The following DPY19L2 variants were observed in gnomAD, a reference collection of about 807,000 sequenced individuals.
The protein encoded by DPY19L2 is probable C-mannosyltransferase DPY19L2.
DPY19L2 carries 34 observed loss-of-function variants against 97.9 expected under a neutral mutation model. That is an observed-to-expected ratio of 0.35 (90% confidence interval 0.26 to 0.46). The LOEUF is 0.46. Among genes scored for constraint, DPY19L2 ranks in the 20% least tolerant of loss-of-function variants. The pLI is 1.00. For missense variants in DPY19L2, 623 were observed against 911.4 expected (o/e 0.68, Z 4.07); for synonymous variants, 230 against 307.9 (o/e 0.75, Z 2.65).
chr12:63,583,875 C>A (rs775637382), intron 16 of DPY19L2, 39 bp from the exon 17 acceptor site: 7 of 1,555,338 alleles, frequency 4.5e-6, no homozygotes, highest in Non-Finnish European at 6.2e-6. Context: ...TACTGAAGGT[C>A]TTTTATACTA....
chr12:63,564,703 T>G (rs893646632), intron 21 of DPY19L2, among the ~76,000 whole-genome samples: 41 of 152,150 alleles, frequency 2.7e-4, no homozygotes, highest in African/African-American at 9.6e-4. Flanking sequence ...ATTTTGCTGT[T>G]CTAGGGTGGT....
intron 9 of DPY19L2, among the ~76,000 whole-genome samples, chr12:63,619,447 A>G (rs148982971): frequency 5.6e-4 from 86 of 152,284 alleles, no homozygotes; most frequent in African/African-American, 2.0e-3. Context: ...ATACATTAGT[A>G]AAGAAAAATG....
intron 6 of DPY19L2, among the ~76,000 whole-genome samples, chr12:63,629,606 T>G (rs1890216470): frequency 6.6e-6 from 1 of 152,140 alleles, no homozygotes; most frequent in South Asian, 2.1e-4. Context: ...TACCTGAAAG[T>G]GATGGGGAGA....
chr12:63,627,359 T>C (rs1201852034), intron 6 of DPY19L2, among the ~76,000 whole-genome samples: 1 of 152,074 alleles, frequency 6.6e-6, no homozygotes, highest in Non-Finnish European at 1.5e-5. Context: ...TGTTGTTTTG[T>C]TTTGTTTTGA....
At chr12:63,598,291 G>A (rs1204491116) in intron 13 of DPY19L2, among the ~76,000 whole-genome samples, 1 of 152,086 alleles carries the variant, frequency 6.6e-6, no homozygotes, top group Admixed American at 6.6e-5. Flanking sequence ...ATACATTGTA[G>A]GTCATAAGCT....
chr12:63,650,786 A>G (rs1894099914), intron 4 of DPY19L2, among the ~76,000 whole-genome samples: 2 of 152,186 alleles, frequency 1.3e-5, no homozygotes, highest in African/African-American at 4.8e-5. Flanking sequence ...TACAGATTCA[A>G]TGCTATTCCT....
chr12:63,561,595 G>A (rs528594695), intron 21 of DPY19L2, among the ~76,000 whole-genome samples: 3 of 151,624 alleles, frequency 2.0e-5, no homozygotes, highest in Non-Finnish European at 2.9e-5. Context: ...TACAACTTCT[G>A]TTGTGGTTCA....
chr12:63,560,934 C>A (rs1471531190), intron 21 of DPY19L2, among the ~76,000 whole-genome samples: 1 of 152,166 alleles, frequency 6.6e-6, no homozygotes, highest in African/African-American at 2.4e-5. Context: ...TAAAAGCACA[C>A]TTTCAAGATG....
At position 63,560,478 on chromosome 12, in the gene DPY19L2, G is replaced by A. The variant is rs776077903; in HGVS notation, c.*34C>T. The A allele has an allele frequency of 3.1e-6, 5 of 1,602,604 alleles. No individual in the cohort carries two copies. In the East Asian group the frequency reaches 9.0e-5, roughly 29 times the overall value. The stretch of plus-strand genomic sequence containing the variant: ...AAAGGGTGATTGTTTTTGACACACG[G>A]CATTGTGCCATAGTAAAATGGGTAG... On this transcript the variant is annotated 3_prime_UTR_variant, in exon 22 of 22. Transcript: ENST00000324472.
intron 21 of DPY19L2, among the ~76,000 whole-genome samples, chr12:63,568,544 T>C (rs1878205787): frequency 6.6e-6 from 1 of 152,108 alleles, no homozygotes; most frequent in African/African-American, 2.4e-5. Flanking sequence ...TTGGTCATAC[T>C]TTCTCATTTT....
intron 19 of DPY19L2, among the ~76,000 whole-genome samples, chr12:63,578,323 G>A (rs1880241032): frequency 6.6e-6 from 1 of 151,480 alleles, no homozygotes; most frequent in Non-Finnish European, 1.5e-5. Flanking sequence ...AGGATAGTGA[G>A]GGGGTGGAGG....
intron 11 of DPY19L2, among the ~76,000 whole-genome samples, chr12:63,609,127 G>GA (rs1408456492): frequency 1.3e-5 from 2 of 152,038 alleles, no homozygotes; most frequent in Non-Finnish European, 2.9e-5. Context: ...TCCGATGCTA[G>GA]AAAAAATATT....
At chr12:63,634,078 G>C (rs999896624) in intron 6 of DPY19L2, among the ~76,000 whole-genome samples, 1 of 150,810 alleles carries the variant, frequency 6.6e-6, no homozygotes, top group Non-Finnish European at 1.5e-5. Context: ...TGCGGGGAAG[G>C]GGGAGGGATA....
chr12:63,614,120 T>G (rs1029193664), intron 11 of DPY19L2, among the ~76,000 whole-genome samples: 1 of 148,484 alleles, frequency 6.7e-6, no homozygotes, highest in South Asian at 2.1e-4. Flanking sequence ...AACCCAGGAG[T>G]TGGAGGTTGC....
intron 14 of DPY19L2, among the ~76,000 whole-genome samples, 174 bp downstream of exon 14, chr12:63,597,635 C>CT (rs34555864): frequency 0.57 from 84,554 of 148,570 alleles, 24,255 homozygotes; most frequent in African/African-American, 0.71. Flanking sequence ...TAGAGGCTAT[C>CT]TTTTTTTTTT....
At chr12:63,633,866 T>A (rs7968476) in intron 6 of DPY19L2, among the ~76,000 whole-genome samples, 1,966 of 152,288 alleles carry the variant, frequency 0.013, 29 homozygotes, top group Non-Finnish European at 0.018. Flanking sequence ...ATATACACCA[T>A]GGAATACTAT....
intron 11 of DPY19L2, among the ~76,000 whole-genome samples, chr12:63,611,174 T>A (rs1886956028): frequency 6.6e-6 from 1 of 151,916 alleles, no homozygotes; most frequent in Admixed American, 6.6e-5. Flanking sequence ...AAAGGGCACA[T>A]CAGGTAGTCT....
intron 16 of DPY19L2, 83 bp downstream of exon 16, chr12:63,594,004 T>TATTC (rs1199321538): frequency 1.1e-6 from 1 of 929,664 alleles, no homozygotes; most frequent in Admixed American, 2.9e-5. Flanking sequence ...GTTTAATGCA[T>TATTC]ATTCATTTGA....
At chr12:63,563,303 G>C (rs1316086496) in intron 21 of DPY19L2, among the ~76,000 whole-genome samples, 1 of 152,010 alleles carries the variant, frequency 6.6e-6, no homozygotes, top group East Asian at 1.9e-4. Flanking sequence ...GTGTTCTCTT[G>C]TGGATCATGA....
Sources: allele counts gnomAD v4.1 joint callset (sites outside exome capture counted in the v4.1 genomes callset), GRCh38; gene constraint gnomAD v4.1.1; transcripts MANE v1.5; gene names NCBI Gene and HGNC (gene_info 2026-07-23, HGNC 2026-07-21).